Variants in NEDD9 observed in about 807,000 individuals in gnomAD.
NEDD9 encodes the protein neural precursor cell expressed, developmentally down-regulated 9, also known as enhancer of filamentation 1.
NEDD9 carries 26 observed loss-of-function variants against 76.6 expected under a neutral mutation model. The observed-to-expected ratio is 0.34, with a 90% CI of 0.25 to 0.47. NEDD9 has a LOEUF of 0.47. Ranked by LOEUF, NEDD9 falls within the 20% of genes least tolerant of loss-of-function variation. NEDD9 has a pLI of 1.00. For missense variants in NEDD9, 937 were observed against 1,058.5 expected (o/e 0.89, Z 1.59); for synonymous variants, 392 against 414.2 (o/e 0.95, Z 0.65).
At chr6:11,267,735 A>G (rs1760226402) in intron 3 of NEDD9, among the ~76,000 whole-genome samples, 1 of 152,122 alleles carries the variant, frequency 6.6e-6, no homozygotes, top group African/African-American at 2.4e-5. Context: ...TCTGGGGGAG[A>G]AAAATGGCCT....
intron 1 of NEDD9, among the ~76,000 whole-genome samples, chr6:11,378,246 A>T (rs1468710631): frequency 2.6e-5 from 4 of 152,122 alleles, no homozygotes; most frequent in Admixed American, 1.3e-4. Flanking sequence ...CTGTCTCAAA[A>T]AAAAGATCTG....
At chr6:11,372,357 CT>C (rs1246528503) in intron 1 of NEDD9, among the ~76,000 whole-genome samples, 5 of 152,116 alleles carry the variant, frequency 3.3e-5, no homozygotes, top group African/African-American at 1.2e-4. Flanking sequence ...GTGAATAGTA[CT>C]CCATTGTGTA....
intron 3 of NEDD9, among the ~76,000 whole-genome samples, chr6:11,281,300 A>T (rs1760532746): frequency 6.6e-6 from 1 of 152,164 alleles, no homozygotes; most frequent in Non-Finnish European, 1.5e-5. Flanking sequence ...CTAAAGTGTG[A>T]TATCGATTTC....
chr6:11,341,673 G>A (rs766071051), intron 1 of NEDD9, among the ~76,000 whole-genome samples: 1 of 152,182 alleles, frequency 6.6e-6, no homozygotes, highest in Non-Finnish European at 1.5e-5. Flanking sequence ...CTATTGGATG[G>A]TGCAGACACA....
At chr6:11,195,989 C>G (rs994553575) in intron 2 of NEDD9, among the ~76,000 whole-genome samples, 1 of 151,178 alleles carries the variant, frequency 6.6e-6, no homozygotes, top group Non-Finnish European at 1.5e-5. Context: ...AGTGAAACTC[C>G]GTCTCAAAAA....
At chr6:11,272,496 A>G (rs1760329564) in intron 3 of NEDD9, among the ~76,000 whole-genome samples, 1 of 152,174 alleles carries the variant, frequency 6.6e-6, no homozygotes, top group African/African-American at 2.4e-5. Flanking sequence ...CAATGTTTCA[A>G]ATTAAGGTAG....
At chr6:11,296,406 C>T (rs563355329) in intron 3 of NEDD9, among the ~76,000 whole-genome samples, 3 of 152,296 alleles carry the variant, frequency 2.0e-5, no homozygotes, top group South Asian at 2.1e-4. Context: ...ATTCTCACTA[C>T]ATAGTGTTTT....
At chr6:11,301,022 A>G (rs1185744859) in intron 3 of NEDD9, among the ~76,000 whole-genome samples, 1 of 152,230 alleles carries the variant, frequency 6.6e-6, no homozygotes, top group Non-Finnish European at 1.5e-5. Flanking sequence ...AACAATATTA[A>G]TCTTAAGTGA....
In NEDD9 at chr6:11,213,407, G is replaced by A; in HGVS notation, c.333C>T (p.Ser111=). ...CTTGGTAAATTCCCTGATTTTGGTAGGAAGGTGGCACTTGGTAGATGGTGT... is the reference window on the plus strand; with the variant it reads ...CTTGGTAAATTCCCTGATTTTGGTAAGAAGGTGGCACTTGGTAGATGGTGT... ...PRDTIYQVPP[S]YQNQGIYQVP... The change falls in exon 2 of 7, where the codon TCC becomes TCT. Residue 111 remains serine, a synonymous_variant. Coordinates refer to ENST00000379446, the MANE Select transcript of NEDD9 (RefSeq NM_006403.4). This position sits in a 1 kb window ranked among gnomAD's most constrained non-coding sequence, Gnocchi z 5.4. 1 of 1,613,990 alleles carries A rather than the reference G, an allele frequency of 6.2e-7. No homozygotes were observed.
At chr6:11,308,518 C>T (rs577112535) in intron 2 of NEDD9, among the ~76,000 whole-genome samples, 289 of 151,748 alleles carry the variant, frequency 1.9e-3, no homozygotes, top group African/African-American at 6.6e-3. Context: ...TACAGGCGCC[C>T]GCCACTACGC....
chr6:11,322,324 C>T (rs1460151046), intron 2 of NEDD9, among the ~76,000 whole-genome samples: 2 of 151,996 alleles, frequency 1.3e-5, no homozygotes, highest in Non-Finnish European at 2.9e-5. Context: ...GCACATGTAT[C>T]CCAGAACTTA....
rs573059040 is a variant in NEDD9, at chr6:11,340,701, T to G, written c.-213-6140A>C. Among the ~76,000 whole-genome samples, 398 of 152,292 alleles carry G rather than the reference T, an allele frequency of 2.6e-3. 1 individual carries two copies. The highest frequency in any genetic ancestry group is 6.8e-3 in the Middle Eastern group (2 of 294). On this transcript the variant is annotated intron_variant, in intron 1 of 3. Transcript: ENST00000397378. The stretch of plus-strand genomic sequence containing the variant: ...CATCGACCTTGAATAATTCAGAATT[T>G]TAATTAGATTTGCAAGTTTAGTCAA...
intron 3 of NEDD9, among the ~76,000 whole-genome samples, chr6:11,244,156 A>G (rs981352002): frequency 6.6e-6 from 1 of 152,152 alleles, no homozygotes; most frequent in Non-Finnish European, 1.5e-5. Context: ...TCAAGCTGCA[A>G]CATCAGCTCT....
At chr6:11,277,155 G>A (rs1468101866) in intron 3 of NEDD9, among the ~76,000 whole-genome samples, 1 of 152,186 alleles carries the variant, frequency 6.6e-6, no homozygotes, top group African/African-American at 2.4e-5. Flanking sequence ...CATCCACTGG[G>A]AAAGCCACCA....
intron 4 of NEDD9, 62 bp from the exon 5 acceptor site, chr6:11,191,267 C>T (rs1758138599): frequency 1.3e-6 from 2 of 1,505,802 alleles, no homozygotes; most frequent in East Asian, 2.3e-5. Flanking sequence ...ACCTGTGGTC[C>T]CATGTGCTCA....
At chr6:11,284,523 G>A (rs183949316) in intron 3 of NEDD9, among the ~76,000 whole-genome samples, 8 of 151,456 alleles carry the variant, frequency 5.3e-5, no homozygotes, top group African/African-American at 7.3e-5. Flanking sequence ...ATAAGATCGC[G>A]CCACTGCACT....
chr6:11,306,959 T>C (rs1366360351), intron 2 of NEDD9, among the ~76,000 whole-genome samples: 3 of 152,208 alleles, frequency 2.0e-5, no homozygotes, highest in African/African-American at 7.2e-5. Context: ...TATGTATGTG[T>C]ATGTATTTGT....
intron 3 of NEDD9, among the ~76,000 whole-genome samples, chr6:11,270,986 C>T (rs1760294497): frequency 6.6e-6 from 1 of 152,144 alleles, no homozygotes; most frequent in Non-Finnish European, 1.5e-5. Flanking sequence ...CAAAGAGGAA[C>T]CGCAGTCAAG....
At chr6:11,221,768 G>A (rs751055973) in intron 1 of NEDD9, among the ~76,000 whole-genome samples, 4 of 152,148 alleles carry the variant, frequency 2.6e-5, no homozygotes, top group East Asian at 1.9e-4. Flanking sequence ...TCAAAAATGC[G>A]GGGCAGGCAC....
Sources: allele counts gnomAD v4.1 joint callset (sites outside exome capture counted in the v4.1 genomes callset), GRCh38; gene constraint gnomAD v4.1.1; non-coding constraint Gnocchi (gnomAD v3.1); transcripts MANE v1.5; gene names NCBI Gene and HGNC (gene_info 2026-07-23, HGNC 2026-07-21).